The following B4GALT4 variants were observed in gnomAD, a reference collection of about 807,000 sequenced individuals.
B4GALT4 encodes the protein N-acetyllactosamine synthase.
B4GALT4 carries 27 observed loss-of-function variants against 37.3 expected under a neutral mutation model. The ratio of observed to expected loss-of-function variants is 0.72; its 90% CI spans 0.53 to 1.00. The LOEUF (loss-of-function observed/expected upper bound fraction) is 1.00, where lower values mean the gene tolerates loss of function less well. B4GALT4 is among the 50% of genes least tolerant of loss of function. B4GALT4 has a pLI of 0.00. For missense variants in B4GALT4, 372 were observed against 413.1 expected, an observed-to-expected ratio of 0.90 and a Z score of 0.86; for synonymous variants, 148 against 154.1, an observed-to-expected ratio of 0.96 and a Z score of 0.29.
chr3:119,234,878 G>C (rs780849935), intron 2 of B4GALT4, among the ~76,000 whole-genome samples: 1 of 152,174 alleles, frequency 6.6e-6, no homozygotes, highest in Non-Finnish European at 1.5e-5. Flanking sequence ...CCCGTAGTTA[G>C]TTAAAAATGG....
rs1278861028 is a variant in B4GALT4, at chr3:119,211,919, G to A, written c.*630C>T. 5.9e-6 allele frequency: 3 copies of A among 505,918 alleles called. No individual in the cohort carries two copies. Among genetic ancestry groups the A allele is most frequent in the Admixed American group, 3.4e-5 (1 of 29,156 alleles). The allele number at this position is 505,918 out of a possible 1,614,324, so 31.3% of individuals were successfully genotyped here. On this transcript the variant is annotated 3_prime_UTR_variant, in exon 8 of 8. Coordinates refer to ENST00000393765, the MANE Select transcript of B4GALT4 (RefSeq NM_003778.4). ...CATCACTGGAAGGCATACCTGGGCAGGTCCTCCCCTGAAGGCTATCAGCAG... is the reference window on the plus strand; with the variant it reads ...CATCACTGGAAGGCATACCTGGGCAAGTCCTCCCCTGAAGGCTATCAGCAG...
At chr3:119,231,744 T>A (rs2078824366) in intron 2 of B4GALT4, among the ~76,000 whole-genome samples, 1 of 146,038 alleles carries the variant, frequency 6.8e-6, no homozygotes, top group African/African-American at 2.5e-5. Flanking sequence ...TTTTATAAAA[T>A]TTATTTTATA....
rs1287655362 is a variant in B4GALT4 at position 119,237,026 on chromosome 3, C to T, written c.-319G>A. The T allele has an allele frequency of 6.6e-6, 1 of 152,246 alleles. No individual in the cohort carries two copies. Among genetic ancestry groups the T allele is most frequent in the Non-Finnish European group, 1.5e-5 (1 of 68,044 alleles). 9.4% of individuals were successfully genotyped at this position (152,246 alleles called of 1,614,324 possible). On this transcript the variant is annotated 5_prime_UTR_variant, in exon 2 of 8. Coordinates refer to ENST00000393765, the MANE Select transcript of B4GALT4 (RefSeq NM_003778.4). The stretch of plus-strand genomic sequence containing the variant: ...GCACATTGGAACACAGTGTACCCGC[C>T]TCTGGGCAAGAGCCGTGGAAATCCA...
chr3:119,216,136 T>TTTAACACAA, intron 7 of B4GALT4, 104 bp downstream of exon 7: 2 of 931,890 alleles, frequency 2.1e-6, no homozygotes, highest in Non-Finnish European at 3.0e-6. Flanking sequence ...ATAAAAATCT[T>TTTAACACAA]TTAACACAAT....
Position 119,230,225 on chromosome 3 carries a change from A to T in B4GALT4, c.-126T>A. 1 of 1,248,140 alleles carries T rather than the reference A, an allele frequency of 8.0e-7. No homozygotes were observed. Among genetic ancestry groups the T allele is most frequent in the Non-Finnish European group, 1.1e-6 (1 of 895,414 alleles). 77.3% of individuals were successfully genotyped at this position (1,248,140 alleles called of 1,614,324 possible). A position where few individuals can be genotyped will look rare whatever the true frequency, so the allele number is the denominator to read the frequency against. On this transcript the variant is annotated 5_prime_UTR_variant, in exon 3 of 8. Coordinates refer to ENST00000393765, the MANE Select transcript of B4GALT4 (RefSeq NM_003778.4). ...GAAGATACAATGCCTGGTTTTTCTC[A>T]GTAGTTCTGCTCCAACAGTCTAAAA...
At position 119,216,394 on chromosome 3, in the gene B4GALT4, C is replaced by T. The variant is rs756560883; in HGVS notation, c.798-50G>A. On this transcript the variant is annotated intron_variant, in intron 6 of 7. Transcript: ENST00000393765. ...TAAAGTCCATCCTATTTATCTACCA[C>T]TAGGCAAATAAAAAGCATCATTTGC... 67 of 1,475,980 alleles carry T rather than the reference C, an allele frequency of 4.5e-5. No homozygotes were observed. In the South Asian group the frequency reaches 7.5e-4, roughly 16 times the overall value. 91.4% of individuals were successfully genotyped at this position (1,475,980 alleles called of 1,614,324 possible). A position where few individuals can be genotyped will look rare whatever the true frequency, so the allele number is the denominator to read the frequency against.
chr3:119,218,510 C>T, intron 6 of B4GALT4, 140 bp downstream of exon 6: 1 of 1,194,262 alleles, frequency 8.4e-7, no homozygotes, highest in East Asian at 2.4e-5. Context: ...ACCTTCCCTC[C>T]ACCCCCTGCA....
rs1375093013 is a variant in B4GALT4, at chr3:119,236,881, C to T, written c.-174G>A. On this transcript the variant is annotated 5_prime_UTR_variant, in exon 2 of 8. Transcript: ENST00000393765. The stretch of plus-strand genomic sequence containing the variant: ...TAACAAATGGCACTTTTGGTCACAC[C>T]CACTGCCTTCCGCTCCTCTGCCTCT... 6.6e-6 allele frequency: 1 copy of T among 152,186 alleles called. No homozygotes were observed. Among genetic ancestry groups the T allele is most frequent in the Non-Finnish European group, 1.5e-5 (1 of 68,044 alleles). 9.4% of individuals were successfully genotyped at this position (152,186 alleles called of 1,614,324 possible).
At chr3:119,226,709 C>T (rs1167825560) in intron 4 of B4GALT4, 100 bp downstream of exon 4, 3 of 978,956 alleles carry the variant, frequency 3.1e-6, no homozygotes, top group African/African-American at 3.3e-5. Context: ...TGATGATAGT[C>T]TGATGTTCCT....
rs2079004495 is a variant in B4GALT4 at position 119,237,037 on chromosome 3, AGC to A, written c.-332_-331del. The A allele has an allele frequency of 6.6e-6, 1 of 152,386 alleles. No homozygotes were observed. The highest frequency in any genetic ancestry group is 2.4e-5 in the African/African-American group (1 of 41,592). The allele number at this position is 152,386 out of a possible 1,614,324, so 9.4% of individuals were successfully genotyped here. The stretch of plus-strand genomic sequence containing the variant: ...CACAGTGTACCCGCCTCTGGGCAAG[AGC>A]CGTGGAAATCCACACATGAAGCCAG... On this transcript the variant is annotated 5_prime_UTR_variant, in exon 2 of 8. It removes the in-frame stop codon of an upstream open reading frame in the 5' UTR. Coordinates refer to ENST00000393765, the MANE Select transcript of B4GALT4 (RefSeq NM_003778.4).
At position 119,229,844 on chromosome 3, in the gene B4GALT4, T is replaced by TA. The variant is rs1236026941; in HGVS notation, c.253+2dup. The TA allele has an allele frequency of 8.7e-6, 14 of 1,613,314 alleles. No individual in the cohort carries two copies. Among genetic ancestry groups the TA allele is most frequent in the Non-Finnish European group, 1.2e-5 (14 of 1,179,474 alleles). Reference sequence around the variant, plus strand: ...TTAATCAAAGGAAAAAAGCAACACTTACTGAGGTAAGGAGACACAGAAGGG... The same window carrying TA: ...TTAATCAAAGGAAAAAAGCAACACTTAACTGAGGTAAGGAGACACAGAAGGG... On this transcript the variant is annotated splice_region_variant and intron_variant, in intron 3 of 7. Coordinates refer to ENST00000393765, the MANE Select transcript of B4GALT4 (RefSeq NM_003778.4).
intron 3 of B4GALT4, among the ~76,000 whole-genome samples, chr3:119,228,565 G>T (rs147406079): frequency 6.6e-6 from 1 of 152,172 alleles, no homozygotes; most frequent in Non-Finnish European, 1.5e-5. Flanking sequence ...TTTTTACATC[G>T]CAGCTTGTAT....
At chr3:119,219,330 A>G (rs1002927818) in intron 5 of B4GALT4, among the ~76,000 whole-genome samples, 1 of 152,322 alleles carries the variant, frequency 6.6e-6, no homozygotes, top group South Asian at 2.1e-4. Context: ...AACCCAACAC[A>G]TGTCAACACC....
rs1334479306 is a variant in B4GALT4, at chr3:119,212,886, G to A, written c.903-205C>T. 7 of 506,326 alleles carry A rather than the reference G, an allele frequency of 1.4e-5. 1 individual carries two copies. Among genetic ancestry groups the A allele is most frequent in the South Asian group, 5.7e-5 (2 of 35,086 alleles). 31.4% of individuals were successfully genotyped at this position (506,326 alleles called of 1,614,324 possible). On this transcript the variant is annotated intron_variant, in intron 7 of 7. Transcript: ENST00000393765. The stretch of plus-strand genomic sequence containing the variant: ...TGTGTCAGACTCCACGTGAGAACCC[G>A]GGGACCCATGATGAAAAGTGTCACT...
At chr3:119,220,593 A>G (rs1417405448) in intron 5 of B4GALT4, among the ~76,000 whole-genome samples, 1 of 152,128 alleles carries the variant, frequency 6.6e-6, no homozygotes, top group African/African-American at 2.4e-5. Flanking sequence ...GGTGACCACA[A>G]CTCTGTGAGG....
At chr3:119,212,853 T>C (rs1260434520) in intron 7 of B4GALT4, 172 bp from the exon 8 acceptor site, 17 of 622,644 alleles carry the variant, frequency 2.7e-5, no homozygotes, top group Non-Finnish European at 4.5e-5. Context: ...ATGATAGCCA[T>C]GTATTCATGT....
intron 5 of B4GALT4, among the ~76,000 whole-genome samples, chr3:119,222,046 A>C (rs940820193): frequency 1.3e-5 from 2 of 152,196 alleles, no homozygotes; most frequent in Non-Finnish European, 2.9e-5. Context: ...GGTTCAGCTT[A>C]ATAGAAAGAT....
rs937835741 is a variant in B4GALT4 at position 119,240,546 on chromosome 3, G to T, written c.-364+304C>A. On this transcript the variant is annotated intron_variant, in intron 1 of 7. Coordinates refer to ENST00000393765, the MANE Select transcript of B4GALT4 (RefSeq NM_003778.4). ...GAATCGTGACCTGGGGTATGAATGAGCCCTGGATTTTTTCCTACCCGGCAG... is the reference window on the plus strand; with the variant it reads ...GAATCGTGACCTGGGGTATGAATGATCCCTGGATTTTTTCCTACCCGGCAG... 46 of 152,246 alleles carry T rather than the reference G, an allele frequency of 3.0e-4. 2 individuals are homozygous for T. The highest frequency in any genetic ancestry group is 4.4e-5 in the Non-Finnish European group (3 of 68,076). 9.4% of individuals were successfully genotyped at this position (152,246 alleles called of 1,614,324 possible).
At chr3:119,238,030 G>T (rs763215251) in intron 1 of B4GALT4, among the ~76,000 whole-genome samples, 2 of 152,174 alleles carry the variant, frequency 1.3e-5, no homozygotes, top group Non-Finnish European at 2.9e-5. Context: ...ACTTTGGAAG[G>T]CCGAGGCGGG....
Sources: allele counts gnomAD v4.1 joint callset (sites outside exome capture counted in the v4.1 genomes callset), GRCh38; gene constraint gnomAD v4.1.1; transcripts MANE v1.5; gene names NCBI Gene and HGNC (gene_info 2026-07-23, HGNC 2026-07-21).